Variants in C12orf42 observed in about 807,000 individuals in gnomAD.
The protein encoded by C12orf42 is uncharacterized protein C12orf42.
In C12orf42, 25 loss-of-function variants were observed where a neutral mutation model predicts 21.6. The ratio of observed to expected loss-of-function variants is 1.16; its 90% CI spans 0.84 to 1.62. C12orf42 has a LOEUF of 1.62. Ranked by LOEUF, C12orf42 falls within the 40% of genes most tolerant of loss-of-function variation. The pLI is 0.00. For synonymous variants in C12orf42, 174 were observed against 175.0 expected (o/e 0.99, Z 0.05); for missense variants, 483 against 459.3 (o/e 1.05, Z -0.47).
the C12orf42 span, among the ~76,000 whole-genome samples, chr12:103,501,518 C>T: frequency 1.3e-5 from 2 of 152,276 alleles, no homozygotes; most frequent in South Asian, 2.1e-4. Context: ...TCAGCTCTGA[C>T]GATCCAGTGC....
At chr12:103,447,699 C>CA (rs940409605) in intron 2 of C12orf42, among the ~76,000 whole-genome samples, 14 of 151,036 alleles carry the variant, frequency 9.3e-5, no homozygotes, top group East Asian at 1.9e-4. Context: ...ACAACAGCTG[C>CA]AAAAAAAATA....
chr12:103,187,976 A>C, the C12orf42 span, among the ~76,000 whole-genome samples: 1 of 152,212 alleles, frequency 6.6e-6, no homozygotes, highest in Non-Finnish European at 1.5e-5. Flanking sequence ...GTAAATGTGT[A>C]CTGCTTGCTA....
At chr12:103,057,927 G>A in the C12orf42 span, among the ~76,000 whole-genome samples, 1 of 150,146 alleles carries the variant, frequency 6.7e-6, no homozygotes, top group Admixed American at 6.6e-5. Flanking sequence ...TTGTAGTTTT[G>A]ATTTGTATTT....
At chr12:103,336,076 C>T (rs1593486954) in intron 4 of C12orf42, among the ~76,000 whole-genome samples, 1 of 148,454 alleles carries the variant, frequency 6.7e-6, no homozygotes, top group Non-Finnish European at 1.5e-5. Flanking sequence ...TGAATAAATA[C>T]TTTACTCTAA....
At chr12:103,408,439 C>A (rs2048585773) in intron 2 of C12orf42, among the ~76,000 whole-genome samples, 1 of 152,086 alleles carries the variant, frequency 6.6e-6, no homozygotes. Flanking sequence ...ACTTTAAATT[C>A]AAAAGCATCA....
the C12orf42 span, among the ~76,000 whole-genome samples, chr12:103,146,584 GAAAGAAAGAAAGAAAGAAAGAAAGAAAA>G: frequency 6.7e-6 from 1 of 148,492 alleles, no homozygotes; most frequent in African/African-American, 2.5e-5. Context: ...AAGAAAGAAA[GAAAGAAAGAAAGAAAGAAAGAAAGAAAA>G]AGAAAAGTAA....
chr12:103,121,202 C>CA, the C12orf42 span, among the ~76,000 whole-genome samples: 1 of 152,120 alleles, frequency 6.6e-6, no homozygotes, highest in Non-Finnish European at 1.5e-5. Context: ...AGGCAGAGTT[C>CA]AAAATCAATG....
chr12:103,379,217 C>A (rs10860991), intron 3 of C12orf42, among the ~76,000 whole-genome samples: 46,478 of 152,008 alleles, frequency 0.31, 8,797 homozygotes, highest in African/African-American at 0.54. Context: ...TTATCCACCC[C>A]AATGGGAACA....
At chr12:103,518,899 C>T in the C12orf42 span, among the ~76,000 whole-genome samples, 2 of 152,132 alleles carry the variant, frequency 1.3e-5, no homozygotes, top group Non-Finnish European at 2.9e-5. Context: ...GAACCTAAAT[C>T]CCTTCTGAAA....
chr12:103,418,832 A>ATT (rs71438496), intron 2 of C12orf42, among the ~76,000 whole-genome samples: 14,057 of 143,680 alleles, frequency 0.098, 764 homozygotes, highest in East Asian at 0.21. Context: ...ATTCCGTTAA[A>ATT]TTTTTTTTTT....
At chr12:103,075,279 C>A in the C12orf42 span, among the ~76,000 whole-genome samples, 2 of 152,034 alleles carry the variant, frequency 1.3e-5, no homozygotes, top group Non-Finnish European at 2.9e-5. Flanking sequence ...TGGCCTCCAT[C>A]AATATTTATT....
intron 4 of C12orf42, among the ~76,000 whole-genome samples, chr12:103,355,545 A>G (rs2043467622): frequency 6.6e-6 from 1 of 152,030 alleles, no homozygotes; most frequent in South Asian, 2.1e-4. Context: ...TTTAAATGGG[A>G]ATTCGATTAT....
chr12:103,392,955 G>A (rs911360303), intron 3 of C12orf42, among the ~76,000 whole-genome samples: 1 of 152,186 alleles, frequency 6.6e-6, no homozygotes, highest in African/African-American at 2.4e-5. Flanking sequence ...GTGGTATCAG[G>A]TATCAGATCA....
chr12:103,538,082 A>G, the C12orf42 span, among the ~76,000 whole-genome samples: 2 of 152,236 alleles, frequency 1.3e-5, no homozygotes, highest in African/African-American at 4.8e-5. Context: ...AGTAGATTAA[A>G]CCACAAGAGA....
chr12:103,462,724 T>G (rs182043559), intron 2 of C12orf42, among the ~76,000 whole-genome samples: 23 of 152,218 alleles, frequency 1.5e-4, no homozygotes, highest in Admixed American at 4.6e-4. Flanking sequence ...AATCTAGGCA[T>G]GTCTGCACAT....
the C12orf42 span, among the ~76,000 whole-genome samples, chr12:103,510,146 C>T: frequency 4.3e-4 from 65 of 152,108 alleles, no homozygotes; most frequent in African/African-American, 1.3e-3. Flanking sequence ...AATTGTGGTG[C>T]GTATATATAC....
the C12orf42 span, among the ~76,000 whole-genome samples, chr12:103,128,979 G>A: frequency 6.3e-3 from 953 of 152,238 alleles, 11 homozygotes; most frequent in African/African-American, 0.022. Flanking sequence ...GATACAGAGA[G>A]GGTGGGGGAA....
the C12orf42 span, chr12:103,503,891 TA>T: frequency 6.4e-6 from 1 of 155,156 alleles, no homozygotes. Context: ...ACTTCTGGTC[TA>T]AAAGCTGGAG....
At chr12:103,068,932 CACATATATAT>C in the C12orf42 span, among the ~76,000 whole-genome samples, 496 of 48,172 alleles carry the variant, frequency 0.01, 30 homozygotes, top group Admixed American at 0.022. Context: ...TCTCTCTCTC[CACATATATAT>C]ATATATATAT....
Sources: allele counts gnomAD v4.1 joint callset (sites outside exome capture counted in the v4.1 genomes callset), GRCh38; gene constraint gnomAD v4.1.1; transcripts MANE v1.5; gene names NCBI Gene and HGNC (gene_info 2026-07-23, HGNC 2026-07-21).